The following SEPTIN7 variants were observed in gnomAD, a reference collection of about 807,000 sequenced individuals.
The protein encoded by SEPTIN7 is septin 7.
In SEPTIN7, 10 loss-of-function variants were observed where a neutral mutation model predicts 63.3. The observed-to-expected ratio is 0.16, with a 90% CI of 0.10 to 0.27. The LOEUF (loss-of-function observed/expected upper bound fraction) is 0.27, where lower values mean the gene tolerates loss of function less well. Among genes scored for constraint, SEPTIN7 ranks in the 10% least tolerant of loss-of-function variants. The probability of loss-of-function intolerance (pLI) is 1.00; values close to 1 mark genes in which losing one functional copy is unlikely to be tolerated. For missense variants in SEPTIN7, 310 were observed against 521.0 expected (o/e 0.59, Z 3.94); for synonymous variants, 131 against 165.3 (o/e 0.79, Z 1.59).
At chr7:35,895,663 G>A (rs932336886) in intron 11 of SEPTIN7, among the ~76,000 whole-genome samples, 2 of 152,122 alleles carry the variant, frequency 1.3e-5, no homozygotes, top group Non-Finnish European at 2.9e-5. Flanking sequence ...TTAATAATTT[G>A]TGAAAGCTAT....
chr7:35,822,763 T>C (rs1412252398), intron 1 of SEPTIN7, among the ~76,000 whole-genome samples: 1 of 152,234 alleles, frequency 6.6e-6, no homozygotes, highest in Non-Finnish European at 1.5e-5. Flanking sequence ...GTCTAGATTC[T>C]AGGCCATTCT....
At chr7:35,876,033 T>A (rs576613204) in intron 6 of SEPTIN7, among the ~76,000 whole-genome samples, 1 of 152,316 alleles carries the variant, frequency 6.6e-6, no homozygotes, top group Non-Finnish European at 1.5e-5. Context: ...TGTTTTCTGT[T>A]GCTGACATTT....
Position 35,801,251 on chromosome 7 carries a change from C to T in SEPTIN7, c.42C>T (p.Ser14=), listed in dbSNP as rs1228669181. ...SARSAAAEER[S]VNSSTMVAQQ... ...GATCCGCTGCTGCTGAGGAGAGGAG[C>T]GTCAACAGCAGCACCATGGGTGAGT... The change falls in exon 1 of 14, where the codon AGC becomes AGT. Residue 14 remains serine (S), a synonymous_variant. Transcript: ENST00000350320. 8 of 1,530,910 alleles carry T rather than the reference C, an allele frequency of 5.2e-6. No homozygotes were observed. The highest frequency in any genetic ancestry group is 4.2e-5 in the Admixed American group (2 of 48,022). The allele number at this position is 1,530,910 out of a possible 1,614,324, so 94.8% of individuals were successfully genotyped here. A position where few individuals can be genotyped will look rare whatever the true frequency, so the allele number is the denominator to read the frequency against.
At chr7:35,857,780 C>A (rs1401176652) in intron 3 of SEPTIN7, among the ~76,000 whole-genome samples, 1 of 151,740 alleles carries the variant, frequency 6.6e-6, no homozygotes, top group Non-Finnish European at 1.5e-5. Context: ...AAAGCAGAAA[C>A]CATTTAGAAA....
chr7:35,842,086 T>C (rs1418243601), intron 3 of SEPTIN7, among the ~76,000 whole-genome samples: 1 of 152,216 alleles, frequency 6.6e-6, no homozygotes, highest in Non-Finnish European at 1.5e-5. Flanking sequence ...AAAGCATTTG[T>C]AGATTGAGTG....
chr7:35,864,140 T>C (rs1785669486), intron 4 of SEPTIN7, among the ~76,000 whole-genome samples: 1 of 151,784 alleles, frequency 6.6e-6, no homozygotes, highest in Non-Finnish European at 1.5e-5. Flanking sequence ...AGAAAAGCTA[T>C]TGTGATTTAA....
chr7:35,809,859 G>A (rs1016348739), intron 1 of SEPTIN7, among the ~76,000 whole-genome samples: 2 of 152,200 alleles, frequency 1.3e-5, no homozygotes, highest in Non-Finnish European at 2.9e-5. Context: ...CACCAGGTTG[G>A]AGCCATTAAA....
Position 35,904,237 on chromosome 7 carries a change from T to C in SEPTIN7, c.1275-17T>C. 1 of 1,529,800 alleles carries C rather than the reference T, an allele frequency of 6.5e-7. No homozygotes were observed. The highest frequency in any genetic ancestry group is 8.8e-7 in the Non-Finnish European group (1 of 1,135,918). 94.8% of individuals were successfully genotyped at this position (1,529,800 alleles called of 1,614,324 possible). On this transcript the variant is annotated splice_polypyrimidine_tract_variant and intron_variant, in intron 13 of 13. Coordinates refer to ENST00000350320, the MANE Select transcript of SEPTIN7 (RefSeq NM_001788.6). ...AAAATGGTTACTCATCTTGCTTATT[T>C]TCCTTTTATCCTTTAGAACCTTGGA...
chr7:35,812,552 C>G (rs1788797820), intron 1 of SEPTIN7, among the ~76,000 whole-genome samples: 2 of 152,096 alleles, frequency 1.3e-5, no homozygotes, highest in South Asian at 4.1e-4. Flanking sequence ...ATGGAAACAT[C>G]TTTTATTTGA....
chr7:35,801,121 G>C lies in SEPTIN7; in HGVS notation c.-89G>C. The C allele has an allele frequency of 1.5e-5, 17 of 1,105,798 alleles. No homozygotes were observed. The highest frequency in any genetic ancestry group is 2.1e-5 in the Non-Finnish European group (17 of 805,472). The allele number at this position is 1,105,798 out of a possible 1,614,324, so 68.5% of individuals were successfully genotyped here. A position where few individuals can be genotyped will look rare whatever the true frequency, so the allele number is the denominator to read the frequency against. On this transcript the variant is annotated 5_prime_UTR_variant, in exon 1 of 14. Coordinates refer to ENST00000350320, the MANE Select transcript of SEPTIN7 (RefSeq NM_001788.6). ...CGTGCGTAAGCAAGGCAGCTACGCCGGGCGGCTACGCTGCGGAATCGGCGT... is the reference window on the plus strand; with the variant it reads ...CGTGCGTAAGCAAGGCAGCTACGCCCGGCGGCTACGCTGCGGAATCGGCGT...
chr7:35,829,611 TA>T (rs1408400047), intron 1 of SEPTIN7, among the ~76,000 whole-genome samples: 1 of 152,214 alleles, frequency 6.6e-6, no homozygotes, highest in East Asian at 1.9e-4. Flanking sequence ...AGGTGCAGTC[TA>T]AAATACTGTA....
chr7:35,815,552 T>G (rs928415776), intron 1 of SEPTIN7, among the ~76,000 whole-genome samples: 2 of 152,224 alleles, frequency 1.3e-5, no homozygotes, highest in Non-Finnish European at 2.9e-5. Context: ...TGGAAAAACC[T>G]ATTGTACACA....
At chr7:35,878,403 G>A (rs1040531790) in intron 6 of SEPTIN7, among the ~76,000 whole-genome samples, 1 of 152,098 alleles carries the variant, frequency 6.6e-6, no homozygotes. Flanking sequence ...AGTAGGAGGC[G>A]AAAGAAAGGC....
intron 11 of SEPTIN7, among the ~76,000 whole-genome samples, chr7:35,895,637 A>C (rs939959253): frequency 7.2e-5 from 11 of 152,190 alleles, no homozygotes; most frequent in Non-Finnish European, 1.3e-4. Flanking sequence ...TAAATTTTTT[A>C]TTTAGGGCAC....
intron 3 of SEPTIN7, among the ~76,000 whole-genome samples, chr7:35,863,287 A>G (rs1021023135): frequency 9.8e-5 from 15 of 152,286 alleles, no homozygotes; most frequent in African/African-American, 3.6e-4. Context: ...ACTGTTAAAA[A>G]TGTAGATTAT....
the SEPTIN7 span, among the ~76,000 whole-genome samples, chr7:35,914,571 TG>T: frequency 6.6e-6 from 1 of 152,122 alleles, no homozygotes; most frequent in African/African-American, 2.4e-5. Context: ...ATTTTGGACT[TG>T]CCAGCTTCCA....
chr7:35,842,457 G>A (rs1355695292), intron 3 of SEPTIN7, among the ~76,000 whole-genome samples: 1 of 152,052 alleles, frequency 6.6e-6, no homozygotes, highest in East Asian at 1.9e-4. Context: ...ATTTAAAGCA[G>A]TGGCTAAGGT....
intron 3 of SEPTIN7, among the ~76,000 whole-genome samples, chr7:35,848,307 G>A (rs1427305237): frequency 6.6e-5 from 10 of 151,778 alleles, no homozygotes; most frequent in African/African-American, 1.7e-4. Flanking sequence ...TCGCTCTGTC[G>A]CCCAGGCTGG....
chr7:35,843,945 A>G (rs949452618), intron 3 of SEPTIN7, among the ~76,000 whole-genome samples: 1 of 152,214 alleles, frequency 6.6e-6, no homozygotes, highest in African/African-American at 2.4e-5. Flanking sequence ...TCTTAACTCA[A>G]GTTTTTAATG....
Sources: allele counts gnomAD v4.1 joint callset (sites outside exome capture counted in the v4.1 genomes callset), GRCh38; gene constraint gnomAD v4.1.1; transcripts MANE v1.5; gene names NCBI Gene and HGNC (gene_info 2026-07-23, HGNC 2026-07-21).